Variants in NBPF10 observed in about 807,000 individuals in gnomAD.
NBPF10 encodes the protein NBPF member 10.
Under a neutral mutation model 77.9 loss-of-function variants are expected in NBPF10, and 63 were observed. That is an observed-to-expected ratio of 0.81 (90% CI 0.66 to 1.00). The LOEUF (loss-of-function observed/expected upper bound fraction) is 1.00. NBPF10 is among the 50% of genes least tolerant of loss of function. The pLI, the probability that NBPF10 is intolerant of heterozygous loss-of-function variation, is 0.00. For missense variants in NBPF10, 522 were observed against 679.8 expected, an observed-to-expected ratio of 0.77 and a Z score of 2.58; for synonymous variants, 146 against 264.5, an observed-to-expected ratio of 0.55 and a Z score of 4.35.
intron 6 of NBPF10, among the ~76,000 whole-genome samples, chr1:146,137,020 C>CTT (rs1659785370): frequency 1.3e-3 from 141 of 109,846 alleles, no homozygotes; most frequent in South Asian, 3.5e-3. Context: ...TGCCCAAATG[C>CTT]TAATAAAGTT....
chr1:146,122,410 T>C lies in NBPF10; in HGVS notation c.2477-19A>G. ...TCAATTTCTGCAATAAATTCAGACATGGACAGACACATTAAGCTGATTCCC... is the reference window on the plus strand; with the variant it reads ...TCAATTTCTGCAATAAATTCAGACACGGACAGACACATTAAGCTGATTCCC... On this transcript the variant is annotated intron_variant, in intron 18 of 89. Coordinates refer to ENST00000583866, the Ensembl canonical transcript of NBPF10. The C allele has an allele frequency of 7.3e-5, 8 of 109,448 alleles. No homozygotes were observed. In the East Asian group the frequency reaches 1.8e-3, roughly 24 times the overall value. 6.8% of individuals were successfully genotyped at this position (109,448 alleles called of 1,614,324 possible). A position where few individuals can be genotyped will look rare whatever the true frequency, so the allele number is the denominator to read the frequency against.
At chr1:146,072,246 C>A in intron 82 of NBPF10, among the ~76,000 whole-genome samples, 1 of 18,244 alleles carries the variant, frequency 5.5e-5, no homozygotes, top group Admixed American at 6.7e-4. Context: ...ATCCCAAAAT[C>A]ATTTATCCCA....
chr1:146,136,642 A>G (rs1553795082), intron 6 of NBPF10, among the ~76,000 whole-genome samples, 187 bp from the exon 7 acceptor site: 1 of 143,584 alleles, frequency 7.0e-6, no homozygotes, highest in Non-Finnish European at 1.5e-5. Context: ...TCCAAAATTT[A>G]GAGATGAAGA....
chr1:146,139,355 C>T (rs1298467446), intron 5 of NBPF10, among the ~76,000 whole-genome samples: 11 of 152,142 alleles, frequency 7.2e-5, no homozygotes, highest in Non-Finnish European at 1.3e-4. Flanking sequence ...ATGATCCACC[C>T]GCCTCGGCCT....
chr1:146,126,245 C>A (rs782498971), exon 14 of NBPF10: 1 of 1,607,488 alleles, frequency 6.2e-7, no homozygotes, highest in African/African-American at 1.3e-5. Context: ...CCATCCATGT[C>A]AATAGCCAAG....
chr1:146,139,092 C>CTTTTT (rs782186835), intron 5 of NBPF10, among the ~76,000 whole-genome samples: 12 of 82,450 alleles, frequency 1.5e-4, no homozygotes, highest in East Asian at 7.5e-4. Context: ...CAGAGACTTA[C>CTTTTT]TTTTTTTTTT....
At chr1:146,126,482 G>A (rs1156691391) in intron 13 of NBPF10, 74 bp from the exon 14 acceptor site, 1 of 738,470 alleles carries the variant, frequency 1.4e-6, no homozygotes, top group Non-Finnish European at 2.5e-6. Context: ...AGATTTCATG[G>A]CTAACATAAG....
At chr1:146,125,128 G>T (rs1366379123) in intron 15 of NBPF10, among the ~76,000 whole-genome samples, 1 of 35,140 alleles carries the variant, frequency 2.8e-5, no homozygotes, top group Non-Finnish European at 5.2e-5. Context: ...ACTGATGAAG[G>T]GGTCAAAGGA....
At position 146,076,254 on chromosome 1, in the gene NBPF10, C is replaced by CAA. The variant is rs1656032022; in HGVS notation, c.9624-214_9624-213insTT. On this transcript the variant is annotated intron_variant, in intron 77 of 89. Coordinates refer to ENST00000583866, the Ensembl canonical transcript of NBPF10. Reference sequence around the variant, plus strand: ...AGACAGATAGACACACACACACACACACACACACACACACACACACACACA... The same window carrying CAA: ...AGACAGATAGACACACACACACACACAAACACACACACACACACACACACACA... Among the ~76,000 whole-genome samples the CAA allele has an allele frequency of 1.7e-3, 18 of 10,870 alleles. 1 individual carries two copies. The highest frequency in any genetic ancestry group is 5.6e-3 in the Non-Finnish European group (17 of 3,054). 7.1% of individuals were successfully genotyped at this position (10,870 alleles called of 152,430 possible).
chr1:146,143,982 T>C (rs1256199975), intron 1 of NBPF10, among the ~76,000 whole-genome samples: 2 of 151,138 alleles, frequency 1.3e-5, no homozygotes, highest in Non-Finnish European at 2.9e-5. Context: ...ACTGCTGACC[T>C]CGTGCTCTGC....
Position 146,141,754 on chromosome 1 carries a change from C to A in NBPF10, c.343G>T (p.Glu115Ter), listed in dbSNP as rs1553797429. The change falls in exon 3 of 90, where the codon GAA becomes TAA. Residue 115 changes from glutamate to a stop codon, truncating the protein, a stop_gained. Coordinates refer to ENST00000583866, the Ensembl canonical transcript of NBPF10. LOFTEE classifies it high-confidence loss of function. Reference sequence around the variant, plus strand: ...AATGAGCGGGAGGCATCTCTCCCTTCCCGTAACTTCTCCCTTAGCTGGGTC... The same window carrying A: ...AATGAGCGGGAGGCATCTCTCCCTTACCGTAACTTCTCCCTTAGCTGGGTC... 2.2e-6 allele frequency: 3 copies of A among 1,338,044 alleles called. No individual in the cohort carries two copies. Among genetic ancestry groups the A allele is most frequent in the Non-Finnish European group, 3.1e-6 (3 of 969,274 alleles). The allele number at this position is 1,338,044 out of a possible 1,614,324, so 82.9% of individuals were successfully genotyped here.
Position 146,135,328 on chromosome 1 carries a change from G to A in NBPF10, c.1285C>T (p.Leu429Phe), listed in dbSNP as rs782336883. 1.4e-5 allele frequency: 9 copies of A among 634,624 alleles called. 2 individuals are homozygous for A. Among genetic ancestry groups the A allele is most frequent in the East Asian group, 1.3e-4 (5 of 37,840 alleles). The allele number at this position is 634,624 out of a possible 1,614,324, so 39.3% of individuals were successfully genotyped here. The change falls in exon 8 of 90, where the codon CTT becomes TTT. Residue 429 changes from leucine (L) to phenylalanine (F), a missense_variant. Physicochemically the swap from Leu to Phe is conservative, Grantham distance 22 (BLOSUM62 0). Transcript: ENST00000583866. ...TTACCTGGGCTGAGCTTTTGGACAA[G>A]GTGCTGTGCCAGTCTACACCCCTCA...
chr1:146,071,552 CA>C, intron 83 of NBPF10, among the ~76,000 whole-genome samples: 1 of 17,744 alleles, frequency 5.6e-5, no homozygotes, highest in Non-Finnish European at 1.0e-4. Context: ...CACAAACACA[CA>C]CACACACACA....
At position 146,068,046 on chromosome 1, in the gene NBPF10, G is replaced by C. The variant is rs1655369048; in HGVS notation, c.10992C>G (p.Tyr3664Ter). 3.6e-6 allele frequency: 2 copies of C among 551,138 alleles called. No homozygotes were observed. The highest frequency in any genetic ancestry group is 3.6e-5 in the South Asian group (2 of 54,988). 34.1% of individuals were successfully genotyped at this position (551,138 alleles called of 1,614,324 possible). Reference sequence around the variant, plus strand: ...AGCCAAGGTACTGTTCCTCCAATGAGTAAACAGCACTGCTGTAGGGCTGGC... The same window carrying C: ...AGCCAAGGTACTGTTCCTCCAATGACTAAACAGCACTGCTGTAGGGCTGGC... Residue 3664 changes from tyrosine (Y) to a stop codon, truncating the protein, a stop_gained, in exon 88 of 90, where the codon TAC (tyrosine) becomes TAG (stop). Coordinates refer to ENST00000583866, the Ensembl canonical transcript of NBPF10. LOFTEE classifies it high-confidence loss of function.
chr1:146,126,330 T>A lies in NBPF10; in HGVS notation c.1932A>T (p.Ser644=), dbSNP rs1369813506. The A allele has an allele frequency of 1.3e-5, 17 of 1,290,146 alleles. No individual in the cohort carries two copies. In the Admixed American group the frequency reaches 2.2e-4, roughly 17 times the overall value. 79.9% of individuals were successfully genotyped at this position (1,290,146 alleles called of 1,614,324 possible). ...ATGAGTCAGTCAGTTCAAGACAACC[T>A]GAAGGAGTTGAATAACATCTATCCT... is the stretch of plus-strand genomic sequence containing the variant. The change falls in exon 14 of 90, where the codon TCA becomes TCT. Residue 644 remains serine (S), a synonymous_variant. Transcript: ENST00000583866.
At chr1:146,122,077 T>C (rs1658247782) in intron 19 of NBPF10, among the ~76,000 whole-genome samples, 2 of 87,494 alleles carry the variant, frequency 2.3e-5, no homozygotes, top group Non-Finnish European at 2.3e-5. Flanking sequence ...TTTTGAAGTA[T>C]GGTCAACCTA....
exon 90 of NBPF10, chr1:146,066,557 T>C (rs782201158): frequency 7.2e-6 from 5 of 697,490 alleles, no homozygotes; most frequent in Middle Eastern, 3.9e-4. Context: ...AGCACGCCGT[T>C]GAGCCTGGAA....
At position 146,074,962 on chromosome 1, in the gene NBPF10, T is replaced by A. The variant is rs1250923103; in HGVS notation, c.9905+84A>T. 8.8e-4 allele frequency: 109 copies of A among 123,212 alleles called. 31 individuals are homozygous for A. The African/African-American group carries it at 0.048, about 54-fold the overall frequency. 7.6% of individuals were successfully genotyped at this position (123,212 alleles called of 1,614,324 possible). ...TAATTCAGCCTTCGCTGAAAACATG[T>A]CATCAAACACACTCTGGTTTCCCTG... On this transcript the variant is annotated intron_variant, in intron 79 of 89. Coordinates refer to ENST00000583866, the Ensembl canonical transcript of NBPF10.
exon 7 of NBPF10, chr1:146,136,414 T>C (rs782183262): frequency 6.2e-7 from 1 of 1,611,976 alleles, no homozygotes; most frequent in African/African-American, 1.3e-5. Context: ...TGTCGCTCAT[T>C]CCTCAGCATA....
Sources: allele counts gnomAD v4.1 joint callset (sites outside exome capture counted in the v4.1 genomes callset), GRCh38; gene constraint gnomAD v4.1.1; transcripts MANE v1.5; gene names NCBI Gene and HGNC (gene_info 2026-07-23, HGNC 2026-07-21).